The following PHF20 variants were observed in gnomAD, a reference collection of about 807,000 sequenced individuals.
PHF20 encodes the protein glioma-expressed antigen 2.
A neutral mutation model predicts 113.5 loss-of-function variants in PHF20; 23 were observed. The observed-to-expected ratio is 0.20, with a 90% CI of 0.15 to 0.29. PHF20 has a LOEUF of 0.29. Ranked by LOEUF, PHF20 falls within the 10% of genes least tolerant of loss-of-function variation. The pLI, the probability that PHF20 is intolerant of heterozygous loss-of-function variation, is 1.00. For synonymous variants in PHF20, 434 were observed against 457.3 expected (o/e 0.95, Z 0.65); for missense variants, 943 against 1,219.6 (o/e 0.77, Z 3.38).
intron 2 of PHF20, among the ~76,000 whole-genome samples, chr20:35,802,403 C>T (rs1216070002): frequency 6.6e-6 from 1 of 151,412 alleles, no homozygotes; most frequent in African/African-American, 2.4e-5. Context: ...GATCTTGGCT[C>T]ACTGCAACCT....
chr20:35,862,938 A>T, intron 5 of PHF20, 75 bp from the exon 6 acceptor site: 1 of 1,405,018 alleles, frequency 7.1e-7, no homozygotes, highest in Non-Finnish European at 9.7e-7. Context: ...TTGTCTTCAT[A>T]AGTTTGTAAG....
At chr20:35,807,183 G>A (rs1350939041) in intron 2 of PHF20, among the ~76,000 whole-genome samples, 1 of 151,736 alleles carries the variant, frequency 6.6e-6, no homozygotes, top group Non-Finnish European at 1.5e-5. Flanking sequence ...GTATTTAATT[G>A]GTATCTTGAT....
intron 9 of PHF20, among the ~76,000 whole-genome samples, chr20:35,877,723 T>C (rs1268729666): frequency 6.6e-6 from 1 of 152,078 alleles, no homozygotes; most frequent in Non-Finnish European, 1.5e-5. Flanking sequence ...AGCTGTCTCA[T>C]TGGTTGATAC....
chr20:35,786,201 A>T (rs560026406), intron 1 of PHF20, among the ~76,000 whole-genome samples: 249 of 151,682 alleles, frequency 1.6e-3, no homozygotes, highest in African/African-American at 5.9e-3. Context: ...ATCCTGGTCA[A>T]CATGGTAAAA....
In PHF20 at chr20:35,938,798, G is replaced by C. The variant is rs36058204; in HGVS notation, c.2402G>C (p.Arg801Thr). The C allele has an allele frequency of 6.7e-4, 1,089 of 1,614,160 alleles. 17 individuals carry two copies. The African/African-American group carries it at 0.013, about 20-fold the overall frequency. Residue 801 changes from arginine (R) to threonine (T), a missense_variant, in exon 16 of 18, where the codon AGG becomes ACG. Coordinates refer to ENST00000374012, the MANE Select transcript of PHF20 (RefSeq NM_016436.5). ...HFRNIPVTDT[R>T]SKEEAPSYRT... is the part of the protein sequence containing the mutation. Reference sequence around the variant, plus strand: ...AGAAACATCCCTGTCACTGACACCAGGAGCAAGGAGGAAGCTCCAAGCTAT... The same window carrying C: ...AGAAACATCCCTGTCACTGACACCACGAGCAAGGAGGAAGCTCCAAGCTAT...
chr20:35,827,656 T>C (rs112103450), intron 2 of PHF20, among the ~76,000 whole-genome samples: 27,419 of 151,544 alleles, frequency 0.18, 2,724 homozygotes, highest in African/African-American at 0.28. Context: ...TGGTGGCGGG[T>C]GCCTGTAGTC....
chr20:35,866,124 C>A (rs1049057368), intron 6 of PHF20, among the ~76,000 whole-genome samples: 1 of 152,104 alleles, frequency 6.6e-6, no homozygotes, highest in Non-Finnish European at 1.5e-5. Flanking sequence ...GCAGGAGAAT[C>A]TCTTGAACCC....
At position 35,931,875 on chromosome 20, in the gene PHF20, CG is replaced by C. The variant is rs1384952579; in HGVS notation, c.2300+434del. On this transcript the variant is annotated intron_variant, in intron 15 of 17. Transcript: ENST00000374012. ...CTGAGGCGGGAGCATCGCTTGAACC[CG>C]GGAGGCGGAGGTTGTGGTGAGCTGA... 2.6e-5 allele frequency among the ~76,000 whole-genome samples: 4 copies of C among 151,518 alleles called. No individual in the cohort carries two copies. The East Asian group carries it at 7.9e-4, about 30-fold the overall frequency.
At chr20:35,867,923 GTTTC>G (rs1478075555) in intron 6 of PHF20, among the ~76,000 whole-genome samples, 11 of 151,568 alleles carry the variant, frequency 7.3e-5, no homozygotes, top group Non-Finnish European at 1.6e-4. Context: ...CAACTTCCCA[GTTTC>G]TTTCTTCTGC....
At chr20:35,873,573 A>T (rs904285175) in intron 9 of PHF20, among the ~76,000 whole-genome samples, 3 of 146,542 alleles carry the variant, frequency 2.0e-5, no homozygotes, top group African/African-American at 7.6e-5. Flanking sequence ...GGTTGAAGCG[A>T]TTCATCTGCT....
chr20:35,774,072 C>T (rs923262907), intron 1 of PHF20, among the ~76,000 whole-genome samples: 1 of 151,430 alleles, frequency 6.6e-6, no homozygotes, highest in African/African-American at 2.4e-5. Flanking sequence ...TCCCAATCAT[C>T]CTCTTGTCAA....
intron 1 of PHF20, among the ~76,000 whole-genome samples, chr20:35,776,660 A>G (rs2041181602): frequency 6.6e-6 from 1 of 152,204 alleles, no homozygotes; most frequent in Admixed American, 6.5e-5. Context: ...TAATCAGGAC[A>G]AACCTGAATG....
intron 1 of PHF20, among the ~76,000 whole-genome samples, chr20:35,789,439 A>AC (rs2041493393): frequency 6.8e-6 from 1 of 147,424 alleles, no homozygotes; most frequent in Admixed American, 6.7e-5. Context: ...AAAAAAAAAA[A>AC]AAAAACAAAA....
At position 35,885,467 on chromosome 20, in the gene PHF20, C is replaced by CTT. The variant is rs577878410; in HGVS notation, c.1282+13670_1282+13671dup. On this transcript the variant is annotated intron_variant, in intron 9 of 17. Coordinates refer to ENST00000374012, the MANE Select transcript of PHF20 (RefSeq NM_016436.5). ...CTGGAGTGGGGGACAGGGGAATAAG[C>CTT]TTTTTTTTTTTTTTTTTTTTTTTTT... Among the ~76,000 whole-genome samples the CTT allele has an allele frequency of 7.0e-3, 251 of 35,604 alleles. 6 individuals carry two copies. Among genetic ancestry groups the CTT allele is most frequent in the African/African-American group, 0.014 (133 of 9,174 alleles). 23.4% of individuals were successfully genotyped at this position (35,604 alleles called of 152,430 possible). A position where few individuals can be genotyped will look rare whatever the true frequency, so the allele number is the denominator to read the frequency against.
rs557425287 is a variant in PHF20, at chr20:35,863,547, A to C, written c.808+147A>C. On this transcript the variant is annotated intron_variant, in intron 6 of 17. Transcript: ENST00000374012. ...TATGATCTGGAAACAAGTTGTGTTC[A>C]TGAAGCTGAATTTAAGTGAGGTACA... The C allele has an allele frequency of 2.9e-5, 24 of 824,604 alleles. No individual in the cohort carries two copies. In the South Asian group the frequency reaches 5.5e-4, roughly 19 times the overall value. The allele number at this position is 824,604 out of a possible 1,614,324, so 51.1% of individuals were successfully genotyped here. A position where few individuals can be genotyped will look rare whatever the true frequency, so the allele number is the denominator to read the frequency against.
chr20:35,857,791 G>A (rs1568661384), intron 4 of PHF20, among the ~76,000 whole-genome samples: 1 of 151,828 alleles, frequency 6.6e-6, no homozygotes. Context: ...TCACTATGTT[G>A]GCCAGGCTGG....
intron 1 of PHF20, among the ~76,000 whole-genome samples, chr20:35,789,428 C>CAAA (rs781511725): frequency 1.1e-5 from 1 of 90,476 alleles, no homozygotes. Context: ...AAGACTCCAT[C>CAAA]AAAAAAAAAA....
rs534736822 is a variant in PHF20 at position 35,944,217 on chromosome 20, T to C, written c.2896+3170T>C. On this transcript the variant is annotated intron_variant, in intron 17 of 17. Transcript: ENST00000374012. ...GCTGGATGCTGGGGTCCAGAGGAGA[T>C]GCTGTTGACTTCCCACAGTCCTGGC... 5.9e-3 allele frequency among the ~76,000 whole-genome samples: 896 copies of C among 152,304 alleles called. 5 individuals are homozygous for C. Among genetic ancestry groups the C allele is most frequent in the Non-Finnish European group, 8.1e-3 (548 of 68,010 alleles).
chr20:35,805,842 T>C (rs2146873521), intron 2 of PHF20, among the ~76,000 whole-genome samples: 1 of 151,900 alleles, frequency 6.6e-6, no homozygotes, highest in Non-Finnish European at 1.5e-5. Context: ...ACATGCATTA[T>C]ACTCTGGTAT....
Sources: allele counts gnomAD v4.1 joint callset (sites outside exome capture counted in the v4.1 genomes callset), GRCh38; gene constraint gnomAD v4.1.1; transcripts MANE v1.5; gene names NCBI Gene and HGNC (gene_info 2026-07-23, HGNC 2026-07-21).